The following LHFPL3 variants were observed in gnomAD, a reference collection of about 807,000 sequenced individuals.
LHFPL3 encodes LHFPL tetraspan subfamily member 3 protein.
Under a neutral mutation model 19.3 loss-of-function variants are expected in LHFPL3, and 5 were observed. The observed-to-expected ratio is 0.26, with a 90% CI of 0.14 to 0.54. The LOEUF (loss-of-function observed/expected upper bound fraction) is 0.54, where lower values mean the gene tolerates loss of function less well. Ranked by LOEUF, LHFPL3 falls within the 20% of genes least tolerant of loss-of-function variation. LHFPL3 has a pLI of 0.94. For synonymous variants in LHFPL3, 133 were observed against 126.2 expected (o/e 1.05, Z -0.36); for missense variants, 249 against 307.4 (o/e 0.81, Z 1.42).
chr7:104,649,762 G>C (rs1291406343), intron 1 of LHFPL3, among the ~76,000 whole-genome samples: 1 of 152,216 alleles, frequency 6.6e-6, no homozygotes, highest in African/African-American at 2.4e-5. Context: ...CAGGAGTAGG[G>C]AAGTATCTTT....
At chr7:104,895,430 G>A (rs561081737) in intron 2 of LHFPL3, 2 of 152,340 alleles carry the variant, frequency 1.3e-5, no homozygotes, top group Non-Finnish European at 2.9e-5. Flanking sequence ...AATGCTTTAT[G>A]TCAGTGTGAG....
chr7:104,576,712 C>T (rs1377312043), intron 1 of LHFPL3, among the ~76,000 whole-genome samples: 1 of 152,012 alleles, frequency 6.6e-6, no homozygotes, highest in Non-Finnish European at 1.5e-5. Context: ...ACCCTGTAGC[C>T]CCCAGTGCCT....
chr7:104,712,398 A>C (rs555806445), intron 1 of LHFPL3, among the ~76,000 whole-genome samples: 1 of 152,212 alleles, frequency 6.6e-6, no homozygotes, highest in Non-Finnish European at 1.5e-5. Context: ...ATGGCAGAAA[A>C]CAGATACTAG....
At chr7:104,576,248 G>T (rs1206427843) in intron 1 of LHFPL3, among the ~76,000 whole-genome samples, 1 of 152,132 alleles carries the variant, frequency 6.6e-6, no homozygotes, top group Non-Finnish European at 1.5e-5. Context: ...GCCAAGGAAG[G>T]AAAGAGTTTG....
intron 1 of LHFPL3, among the ~76,000 whole-genome samples, chr7:104,731,220 C>A (rs1224319717): frequency 6.6e-6 from 1 of 152,080 alleles, no homozygotes; most frequent in East Asian, 1.9e-4. Flanking sequence ...ATTGACTTGG[C>A]GATGTGGGCT....
At chr7:104,331,186 TTTCTC>T (rs1801561039) in intron 1 of LHFPL3, among the ~76,000 whole-genome samples, 1 of 152,236 alleles carries the variant, frequency 6.6e-6, no homozygotes, top group Non-Finnish European at 1.5e-5. Flanking sequence ...TTTTTCTCCT[TTTCTC>T]TTTCTGGAAT....
chr7:104,888,365 T>C (rs1792188948), intron 2 of LHFPL3, among the ~76,000 whole-genome samples: 1 of 151,976 alleles, frequency 6.6e-6, no homozygotes, highest in Admixed American at 6.5e-5. Context: ...ACCCAATCTC[T>C]ACAAAAAAAA....
intron 2 of LHFPL3, among the ~76,000 whole-genome samples, chr7:104,779,897 C>T: frequency 6.6e-6 from 1 of 152,026 alleles, no homozygotes; most frequent in South Asian, 2.1e-4. Flanking sequence ...CTCTTCTAAA[C>T]AATATAAATT....
At position 104,701,846 on chromosome 7, in the gene LHFPL3, C is replaced by G. The variant is rs568518732; in HGVS notation, c.446-34829C>G. Among the ~76,000 whole-genome samples the G allele has an allele frequency of 3.3e-4, 48 of 144,796 alleles. 1 individual carries two copies. Among genetic ancestry groups the G allele is most frequent in the African/African-American group, 1.1e-3 (42 of 38,530 alleles). The allele number at this position is 144,796 out of a possible 152,430, so 95.0% of individuals were successfully genotyped here. A position where few individuals can be genotyped will look rare whatever the true frequency, so the allele number is the denominator to read the frequency against. The stretch of plus-strand genomic sequence containing the variant: ...TGGGAAATTCCATATTTCTAGGAAC[C>G]CTTTTTTGTTCTGATTCTTTTTTAA... On this transcript the variant is annotated intron_variant, in intron 1 of 2. Transcript: ENST00000424859.
At chr7:104,519,746 A>T (rs1584376172) in intron 1 of LHFPL3, among the ~76,000 whole-genome samples, 1 of 152,132 alleles carries the variant, frequency 6.6e-6, no homozygotes, top group Non-Finnish European at 1.5e-5. Flanking sequence ...TGGGAGCCAT[A>T]GATTATAATT....
chr7:104,424,930 G>A (rs62485086), intron 1 of LHFPL3, among the ~76,000 whole-genome samples: 34,796 of 146,188 alleles, frequency 0.24, 5,182 homozygotes, highest in African/African-American at 0.39. Flanking sequence ...TGCAGTGAGC[G>A]GAGATCACGC....
intron 1 of LHFPL3, among the ~76,000 whole-genome samples, chr7:104,591,414 C>G (rs912901687): frequency 6.6e-6 from 1 of 152,172 alleles, no homozygotes. Context: ...ATTGAAAATT[C>G]TTTTCTTTAA....
chr7:104,753,920 G>A (rs1458778797), intron 2 of LHFPL3, among the ~76,000 whole-genome samples: 1 of 152,172 alleles, frequency 6.6e-6, no homozygotes. Context: ...GCTGCCAGTG[G>A]GAGTGCAGAC....
At chr7:104,605,883 C>A (rs1394485581) in intron 1 of LHFPL3, among the ~76,000 whole-genome samples, 2 of 131,660 alleles carry the variant, frequency 1.5e-5, no homozygotes, top group Non-Finnish European at 3.4e-5. Context: ...AAAAAAAAAA[C>A]AACAAGAAAT....
At chr7:104,779,233 G>A (rs1794680376) in intron 2 of LHFPL3, among the ~76,000 whole-genome samples, 1 of 152,148 alleles carries the variant, frequency 6.6e-6, no homozygotes, top group Non-Finnish European at 1.5e-5. Context: ...GATTAGGCAG[G>A]TCATAGGTGT....
chr7:104,411,373 T>C (rs987492346), intron 1 of LHFPL3, among the ~76,000 whole-genome samples: 2 of 152,230 alleles, frequency 1.3e-5, no homozygotes, highest in Admixed American at 1.3e-4. Context: ...ATATATTCTT[T>C]GCAGTAGAAT....
chr7:104,665,965 G>A (rs1304398318), intron 1 of LHFPL3, among the ~76,000 whole-genome samples: 1 of 152,170 alleles, frequency 6.6e-6, no homozygotes, highest in Non-Finnish European at 1.5e-5. Flanking sequence ...CAAACTCATT[G>A]CAGGTATACC....
At chr7:104,341,697 AG>A (rs569196561) in intron 1 of LHFPL3, among the ~76,000 whole-genome samples, 10 of 152,152 alleles carry the variant, frequency 6.6e-5, no homozygotes, top group Non-Finnish European at 1.2e-4. Context: ...AGGATCCACC[AG>A]CCCCAGTTCA....
At chr7:104,509,168 A>C (rs1793761920) in intron 1 of LHFPL3, among the ~76,000 whole-genome samples, 1 of 152,076 alleles carries the variant, frequency 6.6e-6, no homozygotes, top group South Asian at 2.1e-4. Context: ...ATTCTACCAG[A>C]AGATAGAAGA....
Sources: gnomAD v4.1 joint callset for allele counts (sites outside exome capture counted in the v4.1 genomes callset) on GRCh38, gnomAD v4.1.1 for gene constraint, MANE v1.5 for transcripts, NCBI Gene and HGNC (gene_info 2026-07-23, HGNC 2026-07-21) for gene names.